PELP1: variants seen among roughly 807,000 people sequenced by gnomAD.
The protein encoded by PELP1 is proline, glutamate and leucine rich protein 1.
In PELP1, 32 loss-of-function variants were observed where a neutral mutation model predicts 95.5. The ratio of observed to expected loss-of-function variants is 0.34; its 90% CI spans 0.25 to 0.45. PELP1 has a LOEUF of 0.45. PELP1 is among the 20% of genes least tolerant of loss of function. The probability of loss-of-function intolerance (pLI) is 1.00; values close to 1 mark genes in which losing one functional copy is unlikely to be tolerated. For synonymous variants in PELP1, 668 were observed against 600.1 expected (o/e 1.11, Z -1.65); for missense variants, 1,358 against 1,444.8 (o/e 0.94, Z 0.97).
intron 1 of PELP1, among the ~76,000 whole-genome samples, chr17:4,693,709 A>T (rs1411311892): frequency 2.0e-5 from 3 of 152,212 alleles, no homozygotes; most frequent in Non-Finnish European, 4.4e-5. Context: ...TTCACGTCCC[A>T]GGTAGGATGA....
chr17:4,681,460 G>A (rs1018275151), intron 5 of PELP1, among the ~76,000 whole-genome samples: 2 of 151,758 alleles, frequency 1.3e-5, no homozygotes, highest in East Asian at 1.9e-4. Context: ...GCAGTGAGCC[G>A]ATATCACACC....
rs971124924 is a variant in PELP1, at chr17:4,672,483, T to C, written c.2508A>G (p.Pro836=). ...KEEPEELPAA[P]GPLPPPPPPP... The stretch of plus-strand genomic sequence containing the variant: ...GAGGTGGGGGTGGCGGGAGAGGCCC[T>C]GGGGCTGCAGGAAGTTCTTCAGGCT... Residue 836 remains proline, a synonymous_variant, in exon 16 of 17, where the codon CCA becomes CCG. Transcript: ENST00000572293. 4.5e-6 allele frequency: 7 copies of C among 1,558,292 alleles called. No individual in the cohort carries two copies. Among genetic ancestry groups the C allele is most frequent in the Middle Eastern group, 1.7e-4 (1 of 5,730 alleles).
At chr17:4,700,371 G>A (rs761031416) in intron 1 of PELP1, among the ~76,000 whole-genome samples, 52 of 152,262 alleles carry the variant, frequency 3.4e-4, no homozygotes, top group Middle Eastern at 3.4e-3. Flanking sequence ...GTGGCCGGAT[G>A]TGGTGGCTCA....
intron 6 of PELP1, 95 bp from the exon 7 acceptor site, chr17:4,676,602 A>C: frequency 6.6e-7 from 1 of 1,509,366 alleles, no homozygotes; most frequent in Non-Finnish European, 9.1e-7. Context: ...TGGAGATCAG[A>C]GAGAGCTCTG....
At position 4,694,521 on chromosome 17, in the gene PELP1, G is replaced by T. The variant is rs193107933; in HGVS notation, c.250-3079C>A. Among the ~76,000 whole-genome samples the T allele has an allele frequency of 8.1e-3, 357 of 44,160 alleles. 6 individuals are homozygous for T. Among genetic ancestry groups the T allele is most frequent in the African/African-American group, 0.028 (332 of 12,032 alleles). The allele number at this position is 44,160 out of a possible 152,430, so 29.0% of individuals were successfully genotyped here. Reference sequence around the variant, plus strand: ...ACAAAAAAAAAAAAATCAGCCAGGCGTGGTGGCAGGCGCCTGTAATCCCAG... The same window carrying T: ...ACAAAAAAAAAAAAATCAGCCAGGCTTGGTGGCAGGCGCCTGTAATCCCAG... On this transcript the variant is annotated intron_variant, in intron 1 of 16. Coordinates refer to ENST00000572293, the MANE Select transcript of PELP1 (RefSeq NM_014389.3).
intron 5 of PELP1, among the ~76,000 whole-genome samples, chr17:4,681,715 G>C (rs1912697640): frequency 6.6e-6 from 1 of 151,444 alleles, no homozygotes; most frequent in South Asian, 2.1e-4. Flanking sequence ...CAGGACAATT[G>C]CTTGAACCCG....
chr17:4,699,971 C>T (rs1395856377), intron 1 of PELP1, among the ~76,000 whole-genome samples: 1 of 137,522 alleles, frequency 7.3e-6, no homozygotes, highest in Admixed American at 8.5e-5. Context: ...GGCGCGATCT[C>T]GGCTCACTGC....
Position 4,671,360 on chromosome 17 carries a change from T to G in PELP1, c.*79A>C. The G allele has an allele frequency of 2.4e-6, 2 of 817,638 alleles. No homozygotes were observed. The highest frequency in any genetic ancestry group is 2.1e-6 in the Non-Finnish European group (1 of 469,608). The allele number at this position is 817,638 out of a possible 1,614,324, so 50.6% of individuals were successfully genotyped here. A position where few individuals can be genotyped will look rare whatever the true frequency, so the allele number is the denominator to read the frequency against. The stretch of plus-strand genomic sequence containing the variant: ...TTGAGCTTCTGGCTGGGGACCCAGG[T>G]GTGGCAAAAGGCAGAAGCAGCAGTC... On this transcript the variant is annotated 3_prime_UTR_variant, in exon 17 of 17. Transcript: ENST00000572293.
intron 3 of PELP1, among the ~76,000 whole-genome samples, chr17:4,684,045 T>C (rs1912817627): frequency 6.6e-6 from 1 of 151,920 alleles, no homozygotes; most frequent in Non-Finnish European, 1.5e-5. Context: ...AGGTTGTTGC[T>C]AACTGGCTCA....
rs772929981 is a variant in PELP1, at chr17:4,671,960, C to T, written c.3031G>A (p.Glu1011Lys). 4.6e-6 allele frequency: 7 copies of T among 1,536,318 alleles called. No homozygotes were observed. Among genetic ancestry groups the T allele is most frequent in the Non-Finnish European group, 5.2e-6 (6 of 1,146,708 alleles). ...PEPGLLLEVE[E>K]PGTEEERGAD... is the part of the protein sequence containing the mutation. ...CCACGCTCCTCCTCCGTCCCTGGCTCCTCCACTTCCAAAAGCAGCCCGGGT... is the reference window on the plus strand; with the variant it reads ...CCACGCTCCTCCTCCGTCCCTGGCTTCTCCACTTCCAAAAGCAGCCCGGGT... The change falls in exon 16 of 17, where the codon GAG becomes AAG. Residue 1011 changes from glutamate to lysine, a missense_variant. By Grantham distance (56) the Glu-to-Lys change is moderately conservative. Around this residue, in one of 7 missense-constraint regions of PELP1, gnomAD observed 283 missense variants for 284.1 expected, o/e 1.00. Coordinates refer to ENST00000572293, the MANE Select transcript of PELP1 (RefSeq NM_014389.3).
At chr17:4,688,867 C>G (rs542420046) in intron 3 of PELP1, among the ~76,000 whole-genome samples, 1 of 152,048 alleles carries the variant, frequency 6.6e-6, no homozygotes. Flanking sequence ...TATATGGAAC[C>G]AAAAAAGATC....
rs1912412605 is a variant in PELP1, at chr17:4,675,255, C to A, written c.1157+19G>T. Reference sequence around the variant, plus strand: ...GGCACGCCCTATCCCTTCACCACAGCCAGCCCAATCCCACTCACGCGAGGA... The same window carrying A: ...GGCACGCCCTATCCCTTCACCACAGACAGCCCAATCCCACTCACGCGAGGA... On this transcript the variant is annotated intron_variant, in intron 10 of 16. Coordinates refer to ENST00000572293, the MANE Select transcript of PELP1 (RefSeq NM_014389.3). This position sits in a 1 kb window ranked among gnomAD's most constrained non-coding sequence, Gnocchi z 4.3. 3 of 1,588,950 alleles carry A rather than the reference C, an allele frequency of 1.9e-6. No individual in the cohort carries two copies. The highest frequency in any genetic ancestry group is 2.6e-6 in the Non-Finnish European group (3 of 1,167,946).
rs758225454 is a variant in PELP1, at chr17:4,672,429, C to T, written c.2562G>A (p.Thr854=). 124 of 1,568,528 alleles carry T rather than the reference C, an allele frequency of 7.9e-5. 1 individual carries two copies. In the East Asian group the frequency reaches 1.2e-3, roughly 15 times the overall value. ...CAGGGACCAACTGGGGTGGAGGGAG[C>T]GTCACAGGACCAGGAACAGGCGGCG... The part of the protein sequence containing the change: ...PPPPPVPGPV[T]LPPPQLVPEG... The change falls in exon 16 of 17, where the codon ACG becomes ACA. Residue 854 remains threonine (T), a synonymous_variant. Coordinates refer to ENST00000572293, the MANE Select transcript of PELP1 (RefSeq NM_014389.3).
rs200800513 is a variant in PELP1 at position 4,671,857 on chromosome 17, G to A, written c.3134C>T (p.Ala1045Val). 1.3e-3 allele frequency: 2,002 copies of A among 1,512,020 alleles called. 5 individuals are homozygous for A. Among genetic ancestry groups the A allele is most frequent in the Non-Finnish European group, 1.6e-3 (1,812 of 1,134,464 alleles). 93.7% of individuals were successfully genotyped at this position (1,512,020 alleles called of 1,614,324 possible). A position where few individuals can be genotyped will look rare whatever the true frequency, so the allele number is the denominator to read the frequency against. ...AAGCTCCTGGGGAGGGGGCCCTGCC[G>A]CAGGGCTTTCCCCTTCCCTCTCCAC... ...GEVEREGESPAAGPPPQELVE... is the reference protein window; with the variant it reads ...GEVEREGESPVAGPPPQELVE... The change falls in exon 16 of 17, where the codon GCG becomes GTG. Residue 1045 changes from alanine to valine, a missense_variant. Physicochemically the swap from Ala to Val is moderately conservative, Grantham distance 64. This residue lies in a region of PELP1 where 283 missense variants were observed against 284.1 expected (regional missense o/e 1.00). Transcript: ENST00000572293.
At position 4,671,960 on chromosome 17, in the gene PELP1, C is replaced by G. The variant is rs772929981; in HGVS notation, c.3031G>C (p.Glu1011Gln). 2 of 1,536,318 alleles carry G rather than the reference C, an allele frequency of 1.3e-6. No individual in the cohort carries two copies. The highest frequency in any genetic ancestry group is 1.7e-6 in the Non-Finnish European group (2 of 1,146,708). Residue 1011 changes from glutamate (E) to glutamine (Q), a missense_variant, in exon 16 of 17, where the codon GAG becomes CAG. Glu to Gln is a conservative substitution (Grantham distance 29, BLOSUM62 2). Transcript: ENST00000572293. ...CCACGCTCCTCCTCCGTCCCTGGCT[C>G]CTCCACTTCCAAAAGCAGCCCGGGT... is the stretch of plus-strand genomic sequence containing the variant. The part of the protein sequence containing the change: ...PEPGLLLEVE[E>Q]PGTEEERGAD...
In PELP1 at chr17:4,675,358, A is replaced by T; in HGVS notation, c.1073T>A (p.Leu358Ter). 6.6e-7 allele frequency: 1 copy of T among 1,525,262 alleles called. No individual in the cohort carries two copies. The highest frequency in any genetic ancestry group is 8.9e-7 in the Non-Finnish European group (1 of 1,123,132). The allele number at this position is 1,525,262 out of a possible 1,614,324, so 94.5% of individuals were successfully genotyped here. Residue 358 changes from leucine to a stop codon, truncating the protein, a stop_gained, in exon 10 of 17, where the codon TTG becomes TAG. Transcript: ENST00000572293. LOFTEE classifies it high-confidence loss of function. This position sits in a 1 kb window ranked among gnomAD's most constrained non-coding sequence, Gnocchi z 4.3. ...TLSVSSKNIS[L>*]HGDGPLRLLL... ...CAGCCGCAGGGGACCATCTCCATGCAAGCTCTGGAGAAAAAAGGGGCAGAG... is the reference window on the plus strand; with the variant it reads ...CAGCCGCAGGGGACCATCTCCATGCTAGCTCTGGAGAAAAAAGGGGCAGAG...
chr17:4,681,713 T>C (rs1912697531), intron 5 of PELP1, among the ~76,000 whole-genome samples: 1 of 150,390 alleles, frequency 6.6e-6, no homozygotes, highest in Non-Finnish European at 1.5e-5. Flanking sequence ...GGCAGGACAA[T>C]TGCTTGAACC....
At chr17:4,690,510 T>G (rs1226726099) in intron 3 of PELP1, among the ~76,000 whole-genome samples, 1 of 152,072 alleles carries the variant, frequency 6.6e-6, no homozygotes, top group East Asian at 1.9e-4. Context: ...TCACTTGAAG[T>G]CAGGCATTTG....
At position 4,675,175 on chromosome 17, in the gene PELP1, C is replaced by T. The variant is rs369840698; in HGVS notation, c.1178G>A (p.Arg393His). ...CAGGCGGCCGATCAGGATCCCAAAG[C>T]GCAAGAGCCGGCTTCCACACCTGGG... Reference protein sequence around the residue: ...LILACGSRLLRFGILIGRLLP... With the variant: ...LILACGSRLLHFGILIGRLLP... The change falls in exon 11 of 17, where the codon CGC (arginine) becomes CAC (histidine). Residue 393 changes from arginine to histidine, a missense_variant. Around this residue, in one of 7 missense-constraint regions of PELP1, gnomAD observed 538 missense variants for 628.1 expected, o/e 0.86. Coordinates refer to ENST00000572293, the MANE Select transcript of PELP1 (RefSeq NM_014389.3). The surrounding 1 kb of genome is among the most constrained non-coding windows in gnomAD (Gnocchi z 4.3). The T allele has an allele frequency of 1.4e-5, 22 of 1,613,652 alleles. No homozygotes were observed. Among genetic ancestry groups the T allele is most frequent in the Middle Eastern group, 1.6e-4 (1 of 6,084 alleles).
Sources: allele counts gnomAD v4.1 joint callset (sites outside exome capture counted in the v4.1 genomes callset), GRCh38; gene constraint gnomAD v4.1.1; regional missense constraint gnomAD v4.1.1; non-coding constraint Gnocchi (gnomAD v3.1); transcripts MANE v1.5; gene names NCBI Gene and HGNC (gene_info 2026-07-23, HGNC 2026-07-21).